CACTIN: variants seen among roughly 807,000 people sequenced by gnomAD.
CACTIN encodes splicing factor Cactin.
A neutral mutation model predicts 84.9 loss-of-function variants in CACTIN; 20 were observed. That is an observed-to-expected ratio of 0.24 (90% CI 0.17 to 0.34). The LOEUF is 0.34. Ranked by LOEUF, CACTIN falls within the 10% of genes least tolerant of loss-of-function variation. CACTIN has a pLI of 1.00. For synonymous variants in CACTIN, 549 were observed against 467.9 expected, an observed-to-expected ratio of 1.17 and a Z score of -2.24; for missense variants, 897 against 1,117.2, an observed-to-expected ratio of 0.80 and a Z score of 2.81.
chr19:3,618,930 G>A lies in CACTIN; in HGVS notation c.1107C>T (p.Ile369=), dbSNP rs3746125. 71,614 of 1,560,458 alleles carry A rather than the reference G, an allele frequency of 0.046. 2,923 individuals carry two copies. Among genetic ancestry groups the A allele is most frequent in the East Asian group, 0.22 (9,318 of 41,566 alleles). The part of the protein sequence containing the change: ...NADFWRDMTT[I]TEDEISKLRK... The stretch of plus-strand genomic sequence containing the variant: ...GGAGCTTGGAGATCTCGTCCTCGGT[G>A]ATGGTGGTCATGTCCCGCCAGAAGT... Residue 369 remains isoleucine (I), a synonymous_variant, in exon 6 of 10, where the codon ATC becomes ATT. Coordinates refer to ENST00000429344, the MANE Select transcript of CACTIN (RefSeq NM_001080543.2).
chr19:3,623,662 A>G, intron 2 of CACTIN, 26 bp downstream of exon 2: 1 of 1,562,740 alleles, frequency 6.4e-7, no homozygotes, highest in East Asian at 2.4e-5. Flanking sequence ...CTACAGGGAC[A>G]GAGGCCACCA....
Position 3,611,212 on chromosome 19 carries a change from C to T in CACTIN, c.*711G>A, listed in dbSNP as rs969637517. On this transcript the variant is annotated 3_prime_UTR_variant, in exon 10 of 10. Coordinates refer to ENST00000429344, the MANE Select transcript of CACTIN (RefSeq NM_001080543.2). ...ACGACCTTGACAGAGACAGGGACCT[C>T]GACGCATCCTCCATACCCGCTGCGG... is the stretch of plus-strand genomic sequence containing the variant. 7 of 429,566 alleles carry T rather than the reference C, an allele frequency of 1.6e-5. No homozygotes were observed. Among genetic ancestry groups the T allele is most frequent in the African/African-American group, 8.2e-5 (4 of 48,850 alleles). The allele number at this position is 429,566 out of a possible 1,614,324, so 26.6% of individuals were successfully genotyped here.
In CACTIN at chr19:3,610,735, A is replaced by T; in HGVS notation, c.*1188T>A. 1 of 456,966 alleles carries T rather than the reference A, an allele frequency of 2.2e-6. No homozygotes were observed. The highest frequency in any genetic ancestry group is 4.4e-6 in the Non-Finnish European group (1 of 227,038). 28.3% of individuals were successfully genotyped at this position (456,966 alleles called of 1,614,324 possible). On this transcript the variant is annotated 3_prime_UTR_variant, in exon 10 of 10. Coordinates refer to ENST00000429344, the MANE Select transcript of CACTIN (RefSeq NM_001080543.2). ...ACAAAAGATTTTTTTTCCCACCTACAAGTCTTTTTAGAGAAACAAACGGAA... is the reference window on the plus strand; with the variant it reads ...ACAAAAGATTTTTTTTCCCACCTACTAGTCTTTTTAGAGAAACAAACGGAA...
chr19:3,621,111 C>T (rs181405823), intron 2 of CACTIN: 33 of 481,178 alleles, frequency 6.9e-5, no homozygotes, highest in Admixed American at 3.0e-4. Context: ...CGGGGCCACC[C>T]CAGCCCCCAA....
intron 6 of CACTIN, among the ~76,000 whole-genome samples, chr19:3,618,425 G>A (rs1021881926): frequency 1.4e-5 from 2 of 141,866 alleles, no homozygotes; most frequent in South Asian, 2.2e-4. Context: ...ACCACACGGA[G>A]GGGGGGGAAA....
intron 3 of CACTIN, 53 bp from the exon 4 acceptor site, chr19:3,620,325 C>T (rs532180847): frequency 7.0e-5 from 107 of 1,526,384 alleles, no homozygotes; most frequent in African/African-American, 3.8e-4. Flanking sequence ...TGCAGGGCTG[C>T]GGGGGGAGGG....
chr19:3,623,367 A>T (rs1448902612), intron 2 of CACTIN, among the ~76,000 whole-genome samples: 1 of 152,002 alleles, frequency 6.6e-6, no homozygotes, highest in African/African-American at 2.4e-5. Context: ...GTCTCTACTA[A>T]AAATACAAAA....
rs543601268 is a variant in CACTIN at position 3,612,730 on chromosome 19, G to C, written c.1787-317C>G. On this transcript the variant is annotated intron_variant, in intron 9 of 9. Coordinates refer to ENST00000429344, the MANE Select transcript of CACTIN (RefSeq NM_001080543.2). ...GGATCCAGCCCCACGCATGACCCCC[G>C]AGGGGGTCCTGGCCCAGGGGTTTTC... 10 of 696,082 alleles carry C rather than the reference G, an allele frequency of 1.4e-5. No homozygotes were observed. In the Admixed American group the frequency reaches 1.8e-4, roughly 13 times the overall value. 43.1% of individuals were successfully genotyped at this position (696,082 alleles called of 1,614,324 possible).
chr19:3,617,949 G>A (rs2033139566), intron 6 of CACTIN, among the ~76,000 whole-genome samples: 1 of 152,184 alleles, frequency 6.6e-6, no homozygotes, highest in South Asian at 2.1e-4. Context: ...CTCTTTCCTA[G>A]GAAGGACCTG....
Position 3,620,300 on chromosome 19 carries a change from G to C in CACTIN, c.739-28C>G, listed in dbSNP as rs200257397. ...GCAGGCACAGGAGGCTGAGGGCAGC[G>C]GGGACCGTGCGGTCTGCAGGGCTGC... is the stretch of plus-strand genomic sequence containing the variant. On this transcript the variant is annotated intron_variant, in intron 3 of 9. Transcript: ENST00000429344. 7 of 1,545,232 alleles carry C rather than the reference G, an allele frequency of 4.5e-6. No homozygotes were observed. In the South Asian group the frequency reaches 4.7e-5, roughly 10 times the overall value.
intron 7 of CACTIN, 38 bp downstream of exon 7, chr19:3,614,359 G>A (rs117871488): frequency 0.011 from 17,478 of 1,546,556 alleles, 113 homozygotes; most frequent in Non-Finnish European, 0.014. Context: ...CATCCCACCC[G>A]GACGGCACCA....
chr19:3,614,295 G>T, intron 7 of CACTIN, 102 bp downstream of exon 7: 1 of 1,191,788 alleles, frequency 8.4e-7, no homozygotes, highest in Non-Finnish European at 1.2e-6. Context: ...ACCCCACATG[G>T]TCCCAGGAGG....
In CACTIN at chr19:3,613,314, G is replaced by T. The variant is rs1408499108; in HGVS notation, c.1530C>A (p.Gly510=). The change falls in exon 9 of 10, where the codon GGC becomes GGA. Residue 510 remains glycine, a synonymous_variant. Transcript: ENST00000429344. ...APTPPGPSSE[G]GPAEAEVDGA... ...CGTCCACCTCGGCCTCCGCGGGGCC[G>T]CCCTCCGAGGAGGGCCCGGGCGGGG... 2 of 1,573,382 alleles carry T rather than the reference G, an allele frequency of 1.3e-6. No individual in the cohort carries two copies. Among genetic ancestry groups the T allele is most frequent in the African/African-American group, 1.4e-5 (1 of 72,814 alleles).
intron 6 of CACTIN, 39 bp from the exon 7 acceptor site, chr19:3,614,628 T>G: frequency 6.5e-7 from 1 of 1,530,754 alleles, no homozygotes; most frequent in South Asian, 1.2e-5. Flanking sequence ...GGTTCCACAT[T>G]TCCTACGTGC....
At chr19:3,626,247 AC>A (rs2033329424) in intron 1 of CACTIN, among the ~76,000 whole-genome samples, 1 of 151,908 alleles carries the variant, frequency 6.6e-6, no homozygotes, top group African/African-American at 2.4e-5. Context: ...TCACTCCCCT[AC>A]CCAAACTCCT....
intron 6 of CACTIN, among the ~76,000 whole-genome samples, chr19:3,618,249 C>T (rs1417170725): frequency 6.7e-6 from 1 of 150,068 alleles, no homozygotes; most frequent in Non-Finnish European, 1.5e-5. Context: ...GGGACATCTG[C>T]GGTTGTCAGG....
chr19:3,614,583 C>T lies in CACTIN; in HGVS notation c.1169G>A (p.Arg390His), dbSNP rs547967161. Residue 390 changes from arginine (R) to histidine (H), a missense_variant, in exon 7 of 10, where the codon CGC (arginine) becomes CAC (histidine). Arg to His is a conservative substitution (Grantham distance 29). Transcript: ENST00000429344. ...LEASGKGPGERREGVNASVSS... is the reference protein window; with the variant it reads ...LEASGKGPGEHREGVNASVSS... ...GACGGAGGCGTTGACCCCCTCGCGG[C>T]GCTCACCTGCAGCGGGGTGGGGGCA... is the stretch of plus-strand genomic sequence containing the variant. 19 of 1,600,368 alleles carry T rather than the reference C, an allele frequency of 1.2e-5. No homozygotes were observed. The highest frequency in any genetic ancestry group is 9.0e-5 in the South Asian group (8 of 88,912).
rs1171953253 is a variant in CACTIN, at chr19:3,624,037, T to C, written c.293A>G (p.Gln98Arg). ...SDSGEEQSRG[Q>R]WARRRRRARS... is the part of the protein sequence containing the mutation. ...TGCGCGCCGTCGCCGGCGAGCCCAC[T>C]GGCCCCGTGACTGCTCCTCTCCTGA... Residue 98 changes from glutamine (Q) to arginine (R), a missense_variant, in exon 2 of 10, where the codon CAG (glutamine) becomes CGG (arginine). Coordinates refer to ENST00000429344, the MANE Select transcript of CACTIN (RefSeq NM_001080543.2). 1 of 1,605,362 alleles carries C rather than the reference T, an allele frequency of 6.2e-7. No homozygotes were observed.
At position 3,615,235 on chromosome 19, in the gene CACTIN, G is replaced by A. The variant is rs2033078192; in HGVS notation, c.1163-646C>T. 1.3e-5 allele frequency: 2 copies of A among 157,652 alleles called. No homozygotes were observed. Among genetic ancestry groups the A allele is most frequent in the African/African-American group, 4.8e-5 (2 of 41,470 alleles). 9.8% of individuals were successfully genotyped at this position (157,652 alleles called of 1,614,324 possible). ...ATCTACCACTGGCCCAGGGGCCCGA[G>A]GCTCAAGTCCCTCCTCGATAGACGG... is the stretch of plus-strand genomic sequence containing the variant. On this transcript the variant is annotated intron_variant, in intron 6 of 9. Coordinates refer to ENST00000429344, the MANE Select transcript of CACTIN (RefSeq NM_001080543.2). The surrounding 1 kb of genome is among the most constrained non-coding windows in gnomAD (Gnocchi z 5.2).
Sources: gnomAD v4.1 joint callset for allele counts (sites outside exome capture counted in the v4.1 genomes callset) on GRCh38, gnomAD v4.1.1 for gene constraint, Gnocchi (gnomAD v3.1) non-coding constraint, MANE v1.5 for transcripts, NCBI Gene and HGNC (gene_info 2026-07-23, HGNC 2026-07-21) for gene names.